SLC9C1: variants seen among roughly 807,000 people sequenced by gnomAD.
The protein encoded by SLC9C1 is solute carrier family 9 member C1.
SLC9C1 carries 97 observed loss-of-function variants against 140.9 expected under a neutral mutation model. The observed-to-expected ratio is 0.69, with a 90% confidence interval of 0.58 to 0.82. The LOEUF (loss-of-function observed/expected upper bound fraction) is 0.82. SLC9C1 is among the 40% of genes least tolerant of loss of function. The pLI is 0.00. For missense variants in SLC9C1, 1,340 were observed against 1,389.3 expected (o/e 0.96, Z 0.56); for synonymous variants, 440 against 442.6 (o/e 0.99, Z 0.07).
chr3:112,205,067 G>T (rs1318394074), intron 16 of SLC9C1, among the ~76,000 whole-genome samples: 1 of 152,052 alleles, frequency 6.6e-6, no homozygotes, highest in Admixed American at 6.6e-5. Flanking sequence ...TCAGGCAGGA[G>T]AAGGAAATAA....
chr3:112,233,838 C>G (rs1576406895), intron 12 of SLC9C1, among the ~76,000 whole-genome samples: 1 of 152,068 alleles, frequency 6.6e-6, no homozygotes, highest in Non-Finnish European at 1.5e-5. Context: ...GCATAGTATT[C>G]CATGGTGTAT....
Position 112,266,353 on chromosome 3 carries a change from A to T in SLC9C1, c.776-13T>A. The stretch of plus-strand genomic sequence containing the variant: ...CCAACTAACTCACCTATTTTTAAAA[A>T]GAAATAAATATAAAGTATTAATTTA... On this transcript the variant is annotated splice_polypyrimidine_tract_variant and intron_variant, in intron 7 of 28. Transcript: ENST00000305815. The T allele has an allele frequency of 6.4e-7, 1 of 1,564,910 alleles. No homozygotes were observed. The highest frequency in any genetic ancestry group is 8.7e-7 in the Non-Finnish European group (1 of 1,147,608).
At chr3:112,247,103 C>T (rs998629107) in intron 10 of SLC9C1, among the ~76,000 whole-genome samples, 2 of 152,086 alleles carry the variant, frequency 1.3e-5, no homozygotes, top group African/African-American at 4.8e-5. Flanking sequence ...AGTTCATTCT[C>T]AGAGAGGAAA....
intron 8 of SLC9C1, among the ~76,000 whole-genome samples, chr3:112,264,808 A>G (rs754901886): frequency 2.8e-4 from 43 of 152,030 alleles, no homozygotes; most frequent in Non-Finnish European, 5.0e-4. Context: ...TTAGATAGTA[A>G]GATTCTTGCA....
chr3:112,169,008 G>T lies in SLC9C1; in HGVS notation c.3106C>A (p.Pro1036Thr). Residue 1036 changes from proline (P) to threonine (T), a missense_variant, in exon 25 of 29, where the codon CCA (proline) becomes ACA (threonine). Coordinates refer to ENST00000305815, the MANE Select transcript of SLC9C1 (RefSeq NM_183061.3). ...TAAATATCAGTTTTGGTACTCATTGGTATATCTACTACATAAATATTAGAG... is the reference window on the plus strand; with the variant it reads ...TAAATATCAGTTTTGGTACTCATTGTTATATCTACTACATAAATATTAGAG... ...KLSNIYVVDI[P>T]MSTKTDIYDE... 1.9e-6 allele frequency: 3 copies of T among 1,608,772 alleles called. No homozygotes were observed. The highest frequency in any genetic ancestry group is 2.5e-6 in the Non-Finnish European group (3 of 1,178,308).
At chr3:112,278,497 A>C (rs1489764658) in intron 4 of SLC9C1, among the ~76,000 whole-genome samples, 2 of 152,156 alleles carry the variant, frequency 1.3e-5, no homozygotes, top group Non-Finnish European at 2.9e-5. Flanking sequence ...GAAGTTATGC[A>C]AGTCAGATTT....
At chr3:112,147,240 A>C (rs1344476198) in intron 28 of SLC9C1, among the ~76,000 whole-genome samples, 1 of 152,112 alleles carries the variant, frequency 6.6e-6, no homozygotes, top group Non-Finnish European at 1.5e-5. Context: ...TTTAAATTCA[A>C]CTTGCCCCTC....
Position 112,278,745 on chromosome 3 carries a change from T to G in SLC9C1, c.302A>C (p.Gln101Pro). Residue 101 changes from glutamine (Q) to proline (P), a missense_variant, in exon 4 of 29, where the codon CAA becomes CCA. Physicochemically the swap from Gln to Pro is moderately conservative, Grantham distance 76. Coordinates refer to ENST00000305815, the MANE Select transcript of SLC9C1 (RefSeq NM_183061.3). ...AATGCTTACCTGCCAAAATAACTTT[T>G]GAAGCATGTACGTATCCATGTCAAA... ...TAFDMDTYML[Q>P]KLFWQILLIS... 1 of 1,600,782 alleles carries G rather than the reference T, an allele frequency of 6.2e-7. No homozygotes were observed. Among genetic ancestry groups the G allele is most frequent in the East Asian group, 2.2e-5 (1 of 44,632 alleles).
At chr3:112,247,909 C>G (rs145205155) in intron 10 of SLC9C1, among the ~76,000 whole-genome samples, 1 of 139,304 alleles carries the variant, frequency 7.2e-6, no homozygotes. Context: ...GTATCTCACA[C>G]GCTGAAATAT....
chr3:112,222,167 T>C (rs1163488192), intron 13 of SLC9C1, among the ~76,000 whole-genome samples: 1 of 152,160 alleles, frequency 6.6e-6, no homozygotes, highest in East Asian at 1.9e-4. Flanking sequence ...ATCCTCAAGA[T>C]AAAAATTGTA....
At chr3:112,224,520 A>G (rs927714142) in intron 13 of SLC9C1, among the ~76,000 whole-genome samples, 4 of 152,202 alleles carry the variant, frequency 2.6e-5, no homozygotes, top group East Asian at 1.9e-4. Flanking sequence ...CAATAATGAT[A>G]TTAAGGAAAC....
intron 16 of SLC9C1, 102 bp from the exon 17 acceptor site, chr3:112,204,505 A>C (rs1293293127): frequency 1.6e-6 from 2 of 1,231,332 alleles, no homozygotes; most frequent in Admixed American, 2.9e-5. Context: ...TCTCTTATCT[A>C]CTCCACATGT....
intron 13 of SLC9C1, among the ~76,000 whole-genome samples, chr3:112,229,615 T>C (rs747454825): frequency 4.9e-4 from 74 of 151,776 alleles, no homozygotes; most frequent in Non-Finnish European, 8.4e-4. Context: ...TTTTTAAGGC[T>C]GAGAAAATTG....
intron 7 of SLC9C1, among the ~76,000 whole-genome samples, chr3:112,267,817 A>C (rs2079965912): frequency 6.6e-6 from 1 of 152,102 alleles, no homozygotes; most frequent in Non-Finnish European, 1.5e-5. Context: ...AGAAGAAGAA[A>C]TCATGGACAT....
At chr3:112,246,399 T>G (rs9822786) in intron 10 of SLC9C1, among the ~76,000 whole-genome samples, 89,931 of 152,036 alleles carry the variant, frequency 0.59, 27,122 homozygotes, top group East Asian at 0.79. Flanking sequence ...AACCCAGACT[T>G]CTTGATAAAA....
chr3:112,165,981 C>A (rs1007572336), intron 26 of SLC9C1, among the ~76,000 whole-genome samples: 1 of 152,196 alleles, frequency 6.6e-6, no homozygotes, highest in Non-Finnish European at 1.5e-5. Flanking sequence ...GGGTCCCCCT[C>A]CCCCAGCCTT....
intron 13 of SLC9C1, 95 bp downstream of exon 13, chr3:112,231,266 T>C: frequency 1.4e-6 from 2 of 1,455,584 alleles, no homozygotes; most frequent in Non-Finnish European, 1.9e-6. Flanking sequence ...GTAAACAATC[T>C]ATTAAGTGAG....
chr3:112,259,798 G>A (rs535757844), intron 10 of SLC9C1, among the ~76,000 whole-genome samples: 2 of 152,168 alleles, frequency 1.3e-5, no homozygotes, highest in Admixed American at 6.6e-5. Flanking sequence ...AGAAAAAGTA[G>A]ACATTTTTAC....
intron 15 of SLC9C1, among the ~76,000 whole-genome samples, chr3:112,211,420 T>A (rs1204692654): frequency 6.6e-6 from 1 of 152,224 alleles, no homozygotes; most frequent in Non-Finnish European, 1.5e-5. Context: ...TCGCCTCATC[T>A]GGGAAGTGCA....
Sources: gnomAD v4.1 joint callset for allele counts (sites outside exome capture counted in the v4.1 genomes callset) on GRCh38, gnomAD v4.1.1 for gene constraint, MANE v1.5 for transcripts, NCBI Gene and HGNC (gene_info 2026-07-23, HGNC 2026-07-21) for gene names.